The following NARS1 variants were observed in gnomAD, a reference collection of about 807,000 sequenced individuals.
The protein encoded by NARS1 is asparagine--tRNA ligase, cytoplasmic.
In NARS1, 65 loss-of-function variants were observed where a neutral mutation model predicts 79.2. That is an observed-to-expected ratio of 0.82 (90% CI 0.67 to 1.01). The LOEUF (loss-of-function observed/expected upper bound fraction) is 1.01, where lower values mean the gene tolerates loss of function less well. Ranked by LOEUF, NARS1 falls within the 50% of genes least tolerant of loss-of-function variation. The probability of loss-of-function intolerance (pLI) is 0.00; values close to 1 mark genes in which losing one functional copy is unlikely to be tolerated. For missense variants in NARS1, 649 were observed against 673.8 expected, an observed-to-expected ratio of 0.96 and a Z score of 0.41; for synonymous variants, 229 against 238.8, an observed-to-expected ratio of 0.96 and a Z score of 0.38.
In NARS1 at chr18:57,607,430, G is replaced by A. The variant is rs762634428; in HGVS notation, c.801+14C>T. The A allele has an allele frequency of 4.3e-6, 7 of 1,612,022 alleles. No individual in the cohort carries two copies. In the East Asian group the frequency reaches 6.7e-5, roughly 15 times the overall value. The stretch of plus-strand genomic sequence containing the variant: ...AAACATATTCTTTGCAAAAGCTGAC[G>A]AATGCATACTTACTTCATAGTACCC... On this transcript the variant is annotated intron_variant, in intron 8 of 13. Coordinates refer to ENST00000256854, the MANE Select transcript of NARS1 (RefSeq NM_004539.4).
At chr18:57,603,188 C>T (rs1245837219) in intron 11 of NARS1, among the ~76,000 whole-genome samples, 1 of 151,748 alleles carries the variant, frequency 6.6e-6, no homozygotes, top group South Asian at 2.1e-4. Context: ...ATATCTCAAG[C>T]ACCATGCTGT....
intron 6 of NARS1, among the ~76,000 whole-genome samples, chr18:57,610,920 T>C (rs1250365681): frequency 6.6e-6 from 1 of 151,922 alleles, no homozygotes; most frequent in African/African-American, 2.4e-5. Flanking sequence ...ATTTAGTAGT[T>C]GTATTAATTT....
chr18:57,605,800 A>G, intron 11 of NARS1, 57 bp downstream of exon 11: 1 of 1,153,568 alleles, frequency 8.7e-7, no homozygotes, highest in Non-Finnish European at 1.3e-6. Context: ...ATTAACCAGA[A>G]GAAGAGAATT....
At chr18:57,616,082 C>A in intron 2 of NARS1, 107 bp from the exon 3 acceptor site, 1 of 1,011,550 alleles carries the variant, frequency 9.9e-7, no homozygotes, top group Non-Finnish European at 1.4e-6. Flanking sequence ...GCATAAAGAC[C>A]CCAACAGCCA....
intron 9 of NARS1, 42 bp downstream of exon 9, chr18:57,607,092 A>G (rs757670748): frequency 5.8e-6 from 9 of 1,540,860 alleles, no homozygotes; most frequent in African/African-American, 2.8e-5. Context: ...TTCTCTAAAG[A>G]TATTACCTAG....
Position 57,601,143 on chromosome 18 carries a change from C to A in NARS1, c.*509G>T, listed in dbSNP as rs1287819267. The A allele has an allele frequency of 6.6e-6, 1 of 152,294 alleles. No individual in the cohort carries two copies. The highest frequency in any genetic ancestry group is 2.4e-5 in the African/African-American group (1 of 41,428). The allele number at this position is 152,294 out of a possible 1,614,324, so 9.4% of individuals were successfully genotyped here. On this transcript the variant is annotated 3_prime_UTR_variant, in exon 14 of 14. Coordinates refer to ENST00000256854, the MANE Select transcript of NARS1 (RefSeq NM_004539.4). ...ATTCATTTGATTCTAGTGTTTACTG[C>A]TGAATTATACTGTGTTCTAATATGA...
intron 2 of NARS1, among the ~76,000 whole-genome samples, chr18:57,620,012 C>T (rs141869697): frequency 6.6e-6 from 1 of 152,296 alleles, no homozygotes; most frequent in Non-Finnish European, 1.5e-5. Flanking sequence ...TGACAAACCC[C>T]TTTGAGAATG....
At chr18:57,613,795 T>A in intron 4 of NARS1, 115 bp from the exon 5 acceptor site, 1 of 788,298 alleles carries the variant, frequency 1.3e-6, no homozygotes, top group Non-Finnish European at 2.1e-6. Context: ...GGTGCAAAAC[T>A]GGAGACAGCC....
chr18:57,611,549 T>C (rs1011362592), intron 6 of NARS1, 88 bp downstream of exon 6: 4 of 867,116 alleles, frequency 4.6e-6, no homozygotes, highest in Non-Finnish European at 5.3e-6. Flanking sequence ...GTCGACATAA[T>C]AAATGTTTTA....
At chr18:57,613,528 T>G in intron 5 of NARS1, 74 bp downstream of exon 5, 1 of 1,341,048 alleles carries the variant, frequency 7.5e-7, no homozygotes, top group South Asian at 1.2e-5. Flanking sequence ...CCCCTGCAAA[T>G]CTTTGTATGT....
Position 57,615,698 on chromosome 18 carries a change from C to T in NARS1, c.285G>A (p.Leu95=). ...TAATGGTAATCTTCTTTGCTTCTTC[C>T]AGGTTCTTTTCTCTTCGTAAACTAT... is the stretch of plus-strand genomic sequence containing the variant. ...AEDSLRREKN[L]EEAKKITIKN... Residue 95 remains leucine (L), a synonymous_variant, in exon 4 of 14, where the codon CTG becomes CTA. Transcript: ENST00000256854. 1 of 1,613,114 alleles carries T rather than the reference C, an allele frequency of 6.2e-7. No individual in the cohort carries two copies. Among genetic ancestry groups the T allele is most frequent in the East Asian group, 2.2e-5 (1 of 44,852 alleles).
intron 2 of NARS1, among the ~76,000 whole-genome samples, chr18:57,620,336 T>C (rs1003757781): frequency 6.6e-6 from 1 of 152,138 alleles, no homozygotes; most frequent in Non-Finnish European, 1.5e-5. Context: ...CAAGAAGCAA[T>C]GCCATGTGGT....
intron 9 of NARS1, 179 bp from the exon 10 acceptor site, chr18:57,606,930 T>C: frequency 1.1e-6 from 1 of 918,152 alleles, no homozygotes; most frequent in East Asian, 2.6e-5. Context: ...TGTTTGCTCC[T>C]TTATATATAA....
chr18:57,606,081 G>T, intron 10 of NARS1, 111 bp from the exon 11 acceptor site: 1 of 647,342 alleles, frequency 1.5e-6, no homozygotes, highest in South Asian at 2.1e-5. Flanking sequence ...AGGTGTGGTG[G>T]CTCATGCCTG....
chr18:57,605,640 A>C (rs545267372), intron 11 of NARS1, among the ~76,000 whole-genome samples: 1 of 151,954 alleles, frequency 6.6e-6, no homozygotes, highest in East Asian at 1.9e-4. Flanking sequence ...AAAAAAAAAG[A>C]AACTCACTTA....
intron 13 of NARS1, 105 bp from the exon 14 acceptor site, chr18:57,601,888 T>A (rs532217612): frequency 8.0e-7 from 1 of 1,254,674 alleles, no homozygotes; most frequent in South Asian, 1.3e-5. Flanking sequence ...CTCACTGTGG[T>A]TAAGAATTCA....
At chr18:57,607,732 G>A in intron 7 of NARS1, 67 bp from the exon 8 acceptor site, 1 of 1,315,704 alleles carries the variant, frequency 7.6e-7, no homozygotes, top group Non-Finnish European at 1.0e-6. Context: ...CAGTATTGAG[G>A]ATTTTAATTT....
chr18:57,606,907 A>G (rs2051562712), intron 9 of NARS1, 156 bp from the exon 10 acceptor site: 3 of 981,128 alleles, frequency 3.1e-6, no homozygotes, highest in Non-Finnish European at 4.4e-6. Context: ...TTCTCCACTG[A>G]GTAGCAATTT....
Position 57,605,862 on chromosome 18 carries a change from C to T in NARS1, c.1246G>A (p.Gly416Arg). The change falls in exon 11 of 14, where the codon GGA (glycine) becomes AGA (arginine). Residue 416 changes from glycine to arginine, a missense_variant. Physicochemically the swap from Gly to Arg is moderately radical, Grantham distance 125 (BLOSUM62 -2). Transcript: ENST00000256854. ...KKEDGTFYEF[G>R]EDIPEAPERL... is the part of the protein sequence containing the mutation. ...TGAGAGAAAGGGATACATACTTCTCCAAATTCATAGAAAGTTCCATCTTCT... is the reference window on the plus strand; with the variant it reads ...TGAGAGAAAGGGATACATACTTCTCTAAATTCATAGAAAGTTCCATCTTCT... 6.3e-7 allele frequency: 1 copy of T among 1,595,310 alleles called. No homozygotes were observed. Among genetic ancestry groups the T allele is most frequent in the Non-Finnish European group, 8.6e-7 (1 of 1,165,416 alleles).
Sources: allele counts gnomAD v4.1 joint callset (sites outside exome capture counted in the v4.1 genomes callset), GRCh38; gene constraint gnomAD v4.1.1; transcripts MANE v1.5; gene names NCBI Gene and HGNC (gene_info 2026-07-23, HGNC 2026-07-21).